KLHL29: variants seen among roughly 807,000 people sequenced by gnomAD.
The protein encoded by KLHL29 is kelch-like protein 29.
In KLHL29, 21 loss-of-function variants were observed where a neutral mutation model predicts 80.4. The observed-to-expected ratio is 0.26, with a 90% CI of 0.19 to 0.38. KLHL29 has a LOEUF of 0.38. Ranked by LOEUF, KLHL29 falls within the 10% of genes least tolerant of loss-of-function variation. KLHL29 has a pLI of 1.00. For missense variants in KLHL29, 867 were observed against 1,223.9 expected, an observed-to-expected ratio of 0.71 and a Z score of 4.35; for synonymous variants, 511 against 526.8, an observed-to-expected ratio of 0.97 and a Z score of 0.41.
Position 23,700,945 on chromosome 2 carries a change from T to C in KLHL29, c.2106-2241T>C, listed in dbSNP as rs930060762. On this transcript the variant is annotated intron_variant, in intron 11 of 13. Coordinates refer to ENST00000486442, the MANE Select transcript of KLHL29 (RefSeq NM_052920.2). The surrounding 1 kb of genome is among the most constrained non-coding windows in gnomAD (Gnocchi z 4.6). ...CAGTTTGTCCTCAGCCCCCATGCAC[T>C]TCACATCTCCCCAGCACACTCCTGA... Among the ~76,000 whole-genome samples the C allele has an allele frequency of 6.6e-6, 1 of 152,164 alleles. No individual in the cohort carries two copies. The highest frequency in any genetic ancestry group is 2.4e-5 in the African/African-American group (1 of 41,424).
intron 3 of KLHL29, among the ~76,000 whole-genome samples, chr2:23,604,679 G>C (rs554022806): frequency 6.6e-6 from 1 of 152,280 alleles, no homozygotes; most frequent in South Asian, 2.1e-4. Flanking sequence ...AAGTCACTTG[G>C]AGTCATTTTA....
At chr2:23,420,860 C>A (rs1662779128) in intron 1 of KLHL29, among the ~76,000 whole-genome samples, 1 of 152,170 alleles carries the variant, frequency 6.6e-6, no homozygotes, top group South Asian at 2.1e-4. Flanking sequence ...TTCCGCCACC[C>A]CCCCACCCAA....
chr2:23,454,155 C>G (rs868211931), intron 1 of KLHL29, among the ~76,000 whole-genome samples: 46 of 152,160 alleles, frequency 3.0e-4, no homozygotes, highest in South Asian at 4.1e-4. Flanking sequence ...AATACACATT[C>G]GATTGAGTCA....
At chr2:23,406,345 A>AAG (rs1384713039) in intron 1 of KLHL29, among the ~76,000 whole-genome samples, 3 of 28,290 alleles carry the variant, frequency 1.1e-4, no homozygotes, top group African/African-American at 2.2e-4. Flanking sequence ...AAAAAAAAAG[A>AAG]AAAGAAAACA....
At chr2:23,418,922 A>G (rs1393135227) in intron 1 of KLHL29, among the ~76,000 whole-genome samples, 3 of 152,114 alleles carry the variant, frequency 2.0e-5, no homozygotes, top group Non-Finnish European at 4.4e-5. Flanking sequence ...TTGGCACATG[A>G]GTTCCACAAG....
intron 4 of KLHL29, among the ~76,000 whole-genome samples, chr2:23,640,799 A>G (rs574470): frequency 0.81 from 122,621 of 152,230 alleles, 49,756 homozygotes; most frequent in East Asian, 1. Flanking sequence ...ACGGTCCCTC[A>G]GCTGGGAAGG....
chr2:23,412,332 G>A (rs1666885580), intron 1 of KLHL29, among the ~76,000 whole-genome samples: 1 of 152,188 alleles, frequency 6.6e-6, no homozygotes, highest in South Asian at 2.1e-4. Flanking sequence ...TCAGGCCCCA[G>A]CAGTGTTTAT....
chr2:23,479,642 C>G (rs138078703), intron 2 of KLHL29, among the ~76,000 whole-genome samples: 1 of 151,686 alleles, frequency 6.6e-6, no homozygotes, highest in South Asian at 2.1e-4. Context: ...GTGGCTCATG[C>G]GTAGCAGATC....
intron 1 of KLHL29, among the ~76,000 whole-genome samples, chr2:23,413,028 C>T (rs1666902520): frequency 6.6e-6 from 1 of 152,144 alleles, no homozygotes; most frequent in Admixed American, 6.5e-5. Context: ...GTTCTTTGGG[C>T]AATTTTCTCG....
chr2:23,515,566 A>G (rs1665896233), intron 2 of KLHL29, among the ~76,000 whole-genome samples: 1 of 152,162 alleles, frequency 6.6e-6, no homozygotes, highest in Non-Finnish European at 1.5e-5. Flanking sequence ...TGTCACAATT[A>G]TAACAAACTG....
chr2:23,663,546 C>G (rs545798582), intron 5 of KLHL29, among the ~76,000 whole-genome samples: 20 of 152,324 alleles, frequency 1.3e-4, no homozygotes, highest in African/African-American at 4.6e-4. Flanking sequence ...TTCTCTTCAG[C>G]CAGTTCCAAG....
Position 23,703,351 on chromosome 2 carries a change from G to C in KLHL29, c.2271G>C (p.Thr757=), listed in dbSNP as rs530582654. 6.6e-7 allele frequency: 1 copy of C among 1,524,754 alleles called. No individual in the cohort carries two copies. Among genetic ancestry groups the C allele is most frequent in the Non-Finnish European group, 8.8e-7 (1 of 1,136,764 alleles). 94.5% of individuals were successfully genotyped at this position (1,524,754 alleles called of 1,614,324 possible). ...VLQSYVPQTN[T]WSFIESPMID... is the part of the protein sequence containing the mutation. ...AGTCTTACGTTCCTCAGACCAACAC[G>C]TGGAGCTTCATCGAGTCCCCAATGA... The change falls in exon 12 of 14, where the codon ACG becomes ACC. Residue 757 remains threonine (T), a synonymous_variant. Transcript: ENST00000486442.
At chr2:23,567,068 C>T (rs1377575548) in intron 3 of KLHL29, among the ~76,000 whole-genome samples, 5 of 152,176 alleles carry the variant, frequency 3.3e-5, no homozygotes, top group Non-Finnish European at 5.9e-5. Context: ...TGGTCAGGAC[C>T]GCAGGGGCAG....
At chr2:23,593,936 G>C (rs815350) in intron 3 of KLHL29, among the ~76,000 whole-genome samples, 126,770 of 152,128 alleles carry the variant, frequency 0.83, 53,111 homozygotes, top group East Asian at 1. Context: ...CACAGAGCCC[G>C]GGCCTGGGAG....
At chr2:23,495,517 C>G (rs1028862014) in intron 2 of KLHL29, among the ~76,000 whole-genome samples, 4 of 152,226 alleles carry the variant, frequency 2.6e-5, no homozygotes, top group Non-Finnish European at 4.4e-5. Flanking sequence ...ATCTTCTGCC[C>G]TGGGTGGCAG....
rs147239907 is a variant in KLHL29, at chr2:23,387,683, G to A, written c.-154+1903G>A. 2.9e-3 allele frequency among the ~76,000 whole-genome samples: 443 copies of A among 152,244 alleles called. 1 individual carries two copies. In the Middle Eastern group the frequency reaches 0.048, roughly 16 times the overall value. On this transcript the variant is annotated intron_variant, in intron 1 of 13. Transcript: ENST00000486442. ...ATACTTTAAAGGCTGGTTGGCATGCGTGTATTTGATTAGTCCATAATCTAG... is the reference window on the plus strand; with the variant it reads ...ATACTTTAAAGGCTGGTTGGCATGCATGTATTTGATTAGTCCATAATCTAG...
intron 2 of KLHL29, among the ~76,000 whole-genome samples, chr2:23,540,924 G>A (rs1159728732): frequency 1.3e-5 from 2 of 152,202 alleles, no homozygotes; most frequent in Non-Finnish European, 2.9e-5. Context: ...TATGGGATTT[G>A]GGTCTGTTTG....
At chr2:23,632,783 G>A (rs11125150) in intron 3 of KLHL29, among the ~76,000 whole-genome samples, 27,049 of 152,152 alleles carry the variant, frequency 0.18, 2,576 homozygotes, top group Non-Finnish European at 0.21. Flanking sequence ...CCTGTCCCAC[G>A]TGCTCCCAAA....
intron 1 of KLHL29, among the ~76,000 whole-genome samples, chr2:23,398,570 G>C (rs1666510825): frequency 1.3e-5 from 2 of 152,272 alleles, no homozygotes; most frequent in Non-Finnish European, 2.9e-5. Context: ...AGGTTTTGCA[G>C]ATGCTGCTGC....
Sources: allele counts gnomAD v4.1 joint callset (sites outside exome capture counted in the v4.1 genomes callset), GRCh38; gene constraint gnomAD v4.1.1; non-coding constraint Gnocchi (gnomAD v3.1); transcripts MANE v1.5; gene names NCBI Gene and HGNC (gene_info 2026-07-23, HGNC 2026-07-21).